Variants in COL21A1 observed in about 807,000 individuals in gnomAD.
COL21A1 encodes collagen type XXI alpha 1 chain.
COL21A1 carries 149 observed loss-of-function variants against 137.9 expected under a neutral mutation model. The observed-to-expected ratio is 1.08, with a 90% CI of 0.95 to 1.24. COL21A1 has a LOEUF of 1.24. Among genes scored for constraint, COL21A1 ranks in the 50% most tolerant of loss-of-function variants. The pLI is 0.00. For synonymous variants in COL21A1, 456 were observed against 391.5 expected (o/e 1.16, Z -1.95); for missense variants, 1,167 against 1,158.4 (o/e 1.01, Z -0.11).
chr6:56,112,816 C>G (rs958288680), intron 16 of COL21A1, among the ~76,000 whole-genome samples: 4 of 151,614 alleles, frequency 2.6e-5, no homozygotes, highest in African/African-American at 9.7e-5. Flanking sequence ...TCCCAAGTAG[C>G]TGGGATTAGA....
At chr6:56,206,697 A>AATATAT (rs1204449084) in intron 1 of COL21A1, among the ~76,000 whole-genome samples, 434 of 31,850 alleles carry the variant, frequency 0.014, 1 homozygote, top group East Asian at 0.022. Context: ...TAAATAAATA[A>AATATAT]ATATATATAT....
chr6:56,131,428 C>A (rs1001430818), intron 12 of COL21A1, among the ~76,000 whole-genome samples: 1 of 151,312 alleles, frequency 6.6e-6, no homozygotes, highest in Non-Finnish European at 1.5e-5. Flanking sequence ...TGTAAAAACA[C>A]TGGGATTGGG....
intron 16 of COL21A1, among the ~76,000 whole-genome samples, chr6:56,121,976 A>T (rs2764052): frequency 5.3e-5 from 8 of 151,742 alleles, no homozygotes; most frequent in Admixed American, 3.3e-4. Flanking sequence ...TATGAAGGGT[A>T]GTATGAACCT....
At chr6:56,121,569 T>G (rs1303845306) in intron 16 of COL21A1, among the ~76,000 whole-genome samples, 1 of 147,682 alleles carries the variant, frequency 6.8e-6, no homozygotes, top group African/African-American at 2.5e-5. Flanking sequence ...TGTATATATA[T>G]ATATGTATAT....
intron 1 of COL21A1, among the ~76,000 whole-genome samples, chr6:56,265,536 G>A (rs1279195709): frequency 6.6e-6 from 1 of 152,136 alleles, no homozygotes; most frequent in Non-Finnish European, 1.5e-5. Flanking sequence ...TGCAAAGTGA[G>A]TCTAAAGTCT....
chr6:56,315,622 T>C (rs968408212), intron 1 of COL21A1, among the ~76,000 whole-genome samples: 3 of 127,236 alleles, frequency 2.4e-5, no homozygotes, highest in African/African-American at 8.5e-5. Context: ...TTTTCTCTCC[T>C]TCTCTTCCGC....
chr6:56,379,970 TA>T (rs1203526650), intron 1 of COL21A1, among the ~76,000 whole-genome samples: 2 of 152,212 alleles, frequency 1.3e-5, no homozygotes, highest in Non-Finnish European at 2.9e-5. Context: ...TCATTACTGA[TA>T]TACTTTGAGT....
chr6:56,170,654 C>A lies in COL21A1; in HGVS notation c.1021G>T (p.Val341Phe). 6 of 1,587,248 alleles carry A rather than the reference C, an allele frequency of 3.8e-6. No individual in the cohort carries two copies. Among genetic ancestry groups the A allele is most frequent in the Non-Finnish European group, 5.2e-6 (6 of 1,163,450 alleles). ...ATTATCCCAGGCATCTTTACCTTAA[C>A]TTGAGGGTTAGCAAAGGTAACCACT... ...SQVVTFANPQVKTLFDEGWHQ... is the reference protein window; with the variant it reads ...SQVVTFANPQFKTLFDEGWHQ... Residue 341 changes from valine to phenylalanine, a missense_variant, in exon 5 of 30, where the codon GTT (valine) becomes TTT (phenylalanine). By Grantham distance (50) the Val-to-Phe change is conservative (BLOSUM62 -1). Transcript: ENST00000244728.
chr6:56,260,641 A>AAAGAAAGAAAGAGAGAGAG (rs1763236469), intron 1 of COL21A1, among the ~76,000 whole-genome samples: 1 of 40,724 alleles, frequency 2.5e-5, no homozygotes, highest in African/African-American at 9.5e-5. Context: ...GGAAGGAAGG[A>AAAGAAAGAAAGAGAGAGAG]AGGAAGGAAG....
intron 1 of COL21A1, among the ~76,000 whole-genome samples, chr6:56,235,655 T>C (rs1384228311): frequency 6.6e-6 from 1 of 151,944 alleles, no homozygotes; most frequent in South Asian, 2.1e-4. Flanking sequence ...GAATAACACC[T>C]GATGTCAGCC....
intron 1 of COL21A1, among the ~76,000 whole-genome samples, chr6:56,304,798 T>C (rs1001582216): frequency 6.6e-6 from 1 of 152,224 alleles, no homozygotes; most frequent in African/African-American, 2.4e-5. Flanking sequence ...TTGCTCTTGC[T>C]TCCTCAGTTC....
chr6:56,372,894 C>T lies in COL21A1; in HGVS notation c.-39+21077G>A, dbSNP rs142587042. 1.0e-2 allele frequency among the ~76,000 whole-genome samples: 1,518 copies of T among 152,248 alleles called. 7 individuals are homozygous for T. The highest frequency in any genetic ancestry group is 0.016 in the Non-Finnish European group (1,069 of 68,012). On this transcript the variant is annotated intron_variant, in intron 1 of 28. Coordinates refer to the COL21A1 transcript ENST00000370819. ...TCCTGCCTCATAACTCTTGGTGAGGCGTGTGCCCTCCCAGTATAAAAACTG... is the reference window on the plus strand; with the variant it reads ...TCCTGCCTCATAACTCTTGGTGAGGTGTGTGCCCTCCCAGTATAAAAACTG...
At chr6:56,150,293 C>T (rs962669395) in intron 10 of COL21A1, among the ~76,000 whole-genome samples, 6 of 151,938 alleles carry the variant, frequency 3.9e-5, no homozygotes, top group Middle Eastern at 3.4e-3. Flanking sequence ...TCGAGGCGGG[C>T]GGATCACGAG....
chr6:56,352,568 G>A (rs1387348356), intron 1 of COL21A1, among the ~76,000 whole-genome samples: 1 of 152,020 alleles, frequency 6.6e-6, no homozygotes, highest in Non-Finnish European at 1.5e-5. Flanking sequence ...TGCAGTTGAA[G>A]AAGGGGAGAT....
chr6:56,058,202 GA>G (rs1765495670), intron 29 of COL21A1, among the ~76,000 whole-genome samples: 3 of 152,174 alleles, frequency 2.0e-5, no homozygotes, highest in African/African-American at 7.2e-5. Flanking sequence ...ATTAACAGGT[GA>G]TACCTACGTA....
chr6:56,327,395 A>G lies in COL21A1; in HGVS notation c.-39+66576T>C, dbSNP rs1765121066. On this transcript the variant is annotated intron_variant, in intron 1 of 28. Coordinates refer to the COL21A1 transcript ENST00000370819. ...TTCATTTAAACAAAAGTAAATAAAA[A>G]TGTAAACCTCGTACCACATGATCTA... 2.0e-5 allele frequency among the ~76,000 whole-genome samples: 3 copies of G among 152,144 alleles called. No homozygotes were observed. The South Asian group carries it at 6.2e-4, about 32-fold the overall frequency.
intron 17 of COL21A1, among the ~76,000 whole-genome samples, chr6:56,095,410 C>T (rs537459298): frequency 6.6e-6 from 1 of 152,278 alleles, no homozygotes; most frequent in South Asian, 2.1e-4. Context: ...CTCTCCCCCT[C>T]CCAACTCTGA....
At chr6:56,380,389 TGC>T (rs2094006857) in intron 1 of COL21A1, among the ~76,000 whole-genome samples, 1 of 152,228 alleles carries the variant, frequency 6.6e-6, no homozygotes, top group Non-Finnish European at 1.5e-5. Flanking sequence ...CTAATATGAC[TGC>T]CTTTGCCCAT....
chr6:56,111,838 C>A (rs1214380173), intron 16 of COL21A1, among the ~76,000 whole-genome samples: 1 of 151,546 alleles, frequency 6.6e-6, no homozygotes, highest in African/African-American at 2.4e-5. Context: ...CGTGCCATTG[C>A]ACTTCAGCCT....
Sources: gnomAD v4.1 joint callset for allele counts (sites outside exome capture counted in the v4.1 genomes callset) on GRCh38, gnomAD v4.1.1 for gene constraint, MANE v1.5 for transcripts, NCBI Gene and HGNC (gene_info 2026-07-23, HGNC 2026-07-21) for gene names.